CPEB4: variants seen among roughly 807,000 people sequenced by gnomAD.
CPEB4 encodes the protein cytoplasmic polyadenylation element-binding protein 4.
CPEB4 carries 12 observed loss-of-function variants against 72.5 expected under a neutral mutation model. The observed-to-expected ratio is 0.17, with a 90% CI of 0.11 to 0.27. CPEB4 has a LOEUF of 0.27. Among genes scored for constraint, CPEB4 ranks in the 10% least tolerant of loss-of-function variants. CPEB4 has a pLI of 1.00. For synonymous variants in CPEB4, 302 were observed against 326.3 expected, an observed-to-expected ratio of 0.93 and a Z score of 0.80; for missense variants, 614 against 908.5, an observed-to-expected ratio of 0.68 and a Z score of 4.17.
In CPEB4 at chr5:173,956,202, C is replaced by A; in HGVS notation, c.*65C>A. 1 of 1,240,750 alleles carries A rather than the reference C, an allele frequency of 8.1e-7. No homozygotes were observed. The highest frequency in any genetic ancestry group is 1.2e-6 in the Non-Finnish European group (1 of 847,064). The allele number at this position is 1,240,750 out of a possible 1,614,324, so 76.9% of individuals were successfully genotyped here. On this transcript the variant is annotated 3_prime_UTR_variant, in exon 10 of 10. Coordinates refer to ENST00000265085, the MANE Select transcript of CPEB4 (RefSeq NM_030627.4). ...TGCACTCTTCTGTTCATTCTGACCC[C>A]TTCCTCAACCTCTTCACGCTGGCAT...
chr5:173,890,091 G>C lies in CPEB4; in HGVS notation c.358G>C (p.Gly120Arg), dbSNP rs576409431. ...TEKAKSEENQ[G>R]DNSSENGNGK... ...GAAGGCAAAATCAGAAGAAAATCAA[G>C]GGGACAATTCTTCGGAAAATGGCAA... Residue 120 changes from glycine (G) to arginine (R), a missense_variant, in exon 1 of 10, where the codon GGG becomes CGG. By Grantham distance (125) the Gly-to-Arg change is moderately radical. Around this residue, in one of 5 missense-constraint regions of CPEB4, gnomAD observed 458 missense variants for 548.6 expected, o/e 0.83. Coordinates refer to ENST00000265085, the MANE Select transcript of CPEB4 (RefSeq NM_030627.4). 8.7e-6 allele frequency: 14 copies of C among 1,614,080 alleles called. No individual in the cohort carries two copies. Among genetic ancestry groups the C allele is most frequent in the South Asian group, 2.2e-5 (2 of 91,070 alleles).
At chr5:173,944,283 G>A (rs1757941128) in intron 4 of CPEB4, among the ~76,000 whole-genome samples, 1 of 152,002 alleles carries the variant, frequency 6.6e-6, no homozygotes. Context: ...ATTAGTTAAG[G>A]TAAATAAAAA....
chr5:173,923,134 T>C (rs1252088941), intron 2 of CPEB4, among the ~76,000 whole-genome samples: 1 of 152,186 alleles, frequency 6.6e-6, no homozygotes, highest in Non-Finnish European at 1.5e-5. Flanking sequence ...AGAAAAGTTG[T>C]CAGAATTCAT....
At chr5:173,909,015 T>C (rs912130741) in intron 1 of CPEB4, among the ~76,000 whole-genome samples, 22 of 152,186 alleles carry the variant, frequency 1.4e-4, no homozygotes, top group Admixed American at 1.3e-3. Context: ...TCTCCTACTT[T>C]CAATGTATCA....
intron 2 of CPEB4, among the ~76,000 whole-genome samples, chr5:173,929,880 T>A (rs1757378607): frequency 6.6e-6 from 1 of 152,218 alleles, no homozygotes; most frequent in Admixed American, 6.5e-5. Context: ...TTTTTGTCTC[T>A]ATATTGATTT....
intron 1 of CPEB4, among the ~76,000 whole-genome samples, chr5:173,903,484 T>C (rs1581114818): frequency 6.6e-6 from 1 of 152,196 alleles, no homozygotes; most frequent in African/African-American, 2.4e-5. Flanking sequence ...CTGGTGTCAT[T>C]TGGAAACTTG....
rs192952634 is a variant in CPEB4, at chr5:173,957,540, T to C, written c.*1403T>C. The stretch of plus-strand genomic sequence containing the variant: ...AAAATTCTAGCTTTGAAAGGCGTTA[T>C]GTGTTGAACAGTATGCTTCAGGGGT... On this transcript the variant is annotated 3_prime_UTR_variant, in exon 10 of 10. Transcript: ENST00000265085. 5 of 152,936 alleles carry C rather than the reference T, an allele frequency of 3.3e-5. No homozygotes were observed. Among genetic ancestry groups the C allele is most frequent in the Admixed American group, 2.6e-4 (4 of 15,298 alleles). The allele number at this position is 152,936 out of a possible 1,614,324, so 9.5% of individuals were successfully genotyped here. A position where few individuals can be genotyped will look rare whatever the true frequency, so the allele number is the denominator to read the frequency against.
Position 173,889,645 on chromosome 5 carries a change from A to T in CPEB4, c.-89A>T. The T allele has an allele frequency of 3.5e-6, 4 of 1,132,880 alleles. No homozygotes were observed. Among genetic ancestry groups the T allele is most frequent in the Non-Finnish European group, 3.8e-6 (3 of 789,086 alleles). 70.2% of individuals were successfully genotyped at this position (1,132,880 alleles called of 1,614,324 possible). ...TAAGACATTTCAAGCAAGCAAGCAA[A>T]CAACTTAAATTTGGGGTAGAGGAAA... is the stretch of plus-strand genomic sequence containing the variant. On this transcript the variant is annotated 5_prime_UTR_variant, in exon 1 of 10. Coordinates refer to ENST00000265085, the MANE Select transcript of CPEB4 (RefSeq NM_030627.4).
intron 5 of CPEB4, among the ~76,000 whole-genome samples, chr5:173,946,311 C>A (rs1245417851): frequency 6.6e-6 from 1 of 152,066 alleles, no homozygotes; most frequent in African/African-American, 2.4e-5. Flanking sequence ...TTGTGTTCTG[C>A]AGAATTGTGC....
chr5:173,926,802 C>T (rs1008336372), intron 2 of CPEB4, among the ~76,000 whole-genome samples: 2 of 152,212 alleles, frequency 1.3e-5, no homozygotes, highest in African/African-American at 4.8e-5. Context: ...CCTTCCTTCT[C>T]CCTTTAGAAA....
At chr5:173,907,043 C>T (rs1026696845) in intron 1 of CPEB4, among the ~76,000 whole-genome samples, 4 of 152,090 alleles carry the variant, frequency 2.6e-5, no homozygotes, top group Non-Finnish European at 5.9e-5. Flanking sequence ...CCAAGGTGGG[C>T]GGATCACAAG....
intron 1 of CPEB4, among the ~76,000 whole-genome samples, chr5:173,896,042 C>G (rs998778614): frequency 6.6e-6 from 1 of 152,138 alleles, no homozygotes; most frequent in Non-Finnish European, 1.5e-5. Context: ...AAATGGGGAA[C>G]CTAGTTTTTA....
intron 5 of CPEB4, among the ~76,000 whole-genome samples, chr5:173,947,399 T>C (rs1470653094): frequency 6.6e-6 from 1 of 151,900 alleles, no homozygotes; most frequent in African/African-American, 2.4e-5. Flanking sequence ...TGAATGTATG[T>C]AGAGGGGGCT....
chr5:173,918,645 T>C (rs1052087851), intron 2 of CPEB4, among the ~76,000 whole-genome samples: 1 of 152,244 alleles, frequency 6.6e-6, no homozygotes, highest in African/African-American at 2.4e-5. Context: ...ATCTTGTGCA[T>C]GGGCCAGATC....
In CPEB4 at chr5:173,956,087, G is replaced by A; in HGVS notation, c.2140G>A (p.Val714Met). ...RAGREFHKPLVKEGGDRPRHI... is the reference protein window; with the variant it reads ...RAGREFHKPLMKEGGDRPRHI... ...TGGCAGGGAATTCCACAAGCCCCTG[G>A]TGAAGGAAGGCGGTGACCGCCCTCG... is the stretch of plus-strand genomic sequence containing the variant. The change falls in exon 10 of 10, where the codon GTG becomes ATG. Residue 714 changes from valine to methionine, a missense_variant. By Grantham distance (21) the Val-to-Met change is conservative. Coordinates refer to ENST00000265085, the MANE Select transcript of CPEB4 (RefSeq NM_030627.4). 2.5e-6 allele frequency: 4 copies of A among 1,614,152 alleles called. No homozygotes were observed. The highest frequency in any genetic ancestry group is 3.4e-6 in the Non-Finnish European group (4 of 1,180,018).
At chr5:173,951,442 C>G (rs1028582718) in intron 7 of CPEB4, among the ~76,000 whole-genome samples, 1 of 152,226 alleles carries the variant, frequency 6.6e-6, no homozygotes, top group African/African-American at 2.4e-5. Context: ...ACACACAATT[C>G]TTGTTTACTT....
At chr5:173,899,981 A>G (rs943767996) in intron 1 of CPEB4, among the ~76,000 whole-genome samples, 1 of 151,810 alleles carries the variant, frequency 6.6e-6, no homozygotes, top group Non-Finnish European at 1.5e-5. Context: ...AGAACTGTGG[A>G]TGGGGGTCGG....
intron 3 of CPEB4, among the ~76,000 whole-genome samples, chr5:173,941,156 C>A (rs1343582938): frequency 6.6e-6 from 1 of 152,176 alleles, no homozygotes; most frequent in Admixed American, 6.5e-5. Flanking sequence ...TTAAGATTGA[C>A]AGCATTAAGA....
intron 2 of CPEB4, among the ~76,000 whole-genome samples, chr5:173,912,910 C>T (rs550210792): frequency 1.8e-3 from 260 of 141,886 alleles, no homozygotes; most frequent in African/African-American, 6.3e-3. Context: ...CTCTTTAAGA[C>T]CCTGTCTCAA....
Sources: allele counts gnomAD v4.1 joint callset (sites outside exome capture counted in the v4.1 genomes callset), GRCh38; gene constraint gnomAD v4.1.1; regional missense constraint gnomAD v4.1.1; transcripts MANE v1.5; gene names NCBI Gene and HGNC (gene_info 2026-07-23, HGNC 2026-07-21).